Variants in NKAIN2 observed in about 807,000 individuals in gnomAD.
The protein encoded by NKAIN2 is sodium/potassium-transporting ATPase subunit beta-1-interacting protein 2.
A neutral mutation model predicts 32.6 loss-of-function variants in NKAIN2; 14 were observed. That is an observed-to-expected ratio of 0.43 (90% CI 0.28 to 0.67). The LOEUF is 0.67. NKAIN2 is among the 30% of genes least tolerant of loss of function. The pLI is 0.17. For missense variants in NKAIN2, 198 were observed against 258.3 expected (o/e 0.77, Z 1.60); for synonymous variants, 80 against 87.2 (o/e 0.92, Z 0.46).
intron 3 of NKAIN2, among the ~76,000 whole-genome samples, chr6:124,554,905 T>G (rs1029374607): frequency 6.6e-6 from 1 of 152,168 alleles, no homozygotes; most frequent in Non-Finnish European, 1.5e-5. Flanking sequence ...GGCCTTTCTG[T>G]GCAACCTGCT....
At chr6:124,330,940 A>G (rs1456323296) in intron 2 of NKAIN2, among the ~76,000 whole-genome samples, 5 of 152,116 alleles carry the variant, frequency 3.3e-5, no homozygotes, top group Non-Finnish European at 7.3e-5. Context: ...ATGGCTGATG[A>G]TCTGAGGCGG....
intron 1 of NKAIN2, among the ~76,000 whole-genome samples, chr6:123,884,301 T>G (rs1773610971): frequency 6.6e-6 from 1 of 152,180 alleles, no homozygotes; most frequent in Non-Finnish European, 1.5e-5. Context: ...TTTGTAGCTG[T>G]ATAGTATTCC....
intron 3 of NKAIN2, among the ~76,000 whole-genome samples, chr6:124,625,260 A>G (rs1783271756): frequency 6.6e-6 from 1 of 152,198 alleles, no homozygotes; most frequent in South Asian, 2.1e-4. Flanking sequence ...TTCTCTACAA[A>G]AAAAACAAAA....
chr6:124,461,904 A>T (rs1229776980), intron 3 of NKAIN2, among the ~76,000 whole-genome samples: 7 of 151,074 alleles, frequency 4.6e-5, no homozygotes, highest in Non-Finnish European at 8.9e-5. Context: ...TGCTGGTTTG[A>T]TTGAGGTTAA....
At chr6:123,856,151 A>C (rs982595489) in intron 1 of NKAIN2, among the ~76,000 whole-genome samples, 1 of 152,166 alleles carries the variant, frequency 6.6e-6, no homozygotes, top group Non-Finnish European at 1.5e-5. Flanking sequence ...TAGACCTTGC[A>C]ATAAAACCCC....
intron 1 of NKAIN2, among the ~76,000 whole-genome samples, chr6:123,887,267 T>C (rs969463087): frequency 1.3e-5 from 2 of 151,770 alleles, no homozygotes; most frequent in Non-Finnish European, 2.9e-5. Flanking sequence ...CTAGTGGAAA[T>C]AGATTATCCA....
At chr6:124,715,966 G>T (rs75410220) in intron 4 of NKAIN2, among the ~76,000 whole-genome samples, 1 of 152,112 alleles carries the variant, frequency 6.6e-6, no homozygotes, top group Admixed American at 6.5e-5. Flanking sequence ...GTAAAGCCCC[G>T]TGTTTGGGCT....
intron 3 of NKAIN2, among the ~76,000 whole-genome samples, chr6:124,611,368 T>A (rs1332376405): frequency 6.6e-6 from 1 of 152,176 alleles, no homozygotes; most frequent in East Asian, 1.9e-4. Context: ...GTTTGTTTGT[T>A]TGTTTATATT....
intron 1 of NKAIN2, among the ~76,000 whole-genome samples, chr6:124,244,167 G>A (rs1793265307): frequency 1.3e-5 from 2 of 150,590 alleles, no homozygotes; most frequent in African/African-American, 4.9e-5. Context: ...GTATACATGT[G>A]CCATGCTGGT....
chr6:124,284,913 A>C (rs889947953), intron 2 of NKAIN2, among the ~76,000 whole-genome samples: 2 of 152,198 alleles, frequency 1.3e-5, no homozygotes, highest in African/African-American at 4.8e-5. Context: ...AATGCAAAAA[A>C]AAAAAATTTG....
At chr6:124,437,182 T>G (rs1237491536) in intron 3 of NKAIN2, among the ~76,000 whole-genome samples, 1 of 152,192 alleles carries the variant, frequency 6.6e-6, no homozygotes, top group African/African-American at 2.4e-5. Flanking sequence ...CTTAACAACT[T>G]AAATCATACT....
At chr6:124,620,985 C>G (rs950338770) in intron 3 of NKAIN2, among the ~76,000 whole-genome samples, 1 of 152,168 alleles carries the variant, frequency 6.6e-6, no homozygotes, top group South Asian at 2.1e-4. Flanking sequence ...TTTTTTCTCT[C>G]TCACTCACTA....
chr6:124,504,085 A>T (rs1778388484), intron 3 of NKAIN2, among the ~76,000 whole-genome samples: 1 of 152,068 alleles, frequency 6.6e-6, no homozygotes, highest in Non-Finnish European at 1.5e-5. Context: ...TTTACATTCC[A>T]CTTAGGTGTA....
chr6:123,874,442 G>A (rs1340122230), intron 1 of NKAIN2, among the ~76,000 whole-genome samples: 1 of 152,068 alleles, frequency 6.6e-6, no homozygotes, highest in Non-Finnish European at 1.5e-5. Flanking sequence ...AGCCCTGACT[G>A]GGAAAAGGCA....
Position 124,139,363 on chromosome 6 carries a change from C to T in NKAIN2, c.55-143642C>T, listed in dbSNP as rs1210118805. ...TCGGCCTCCCAAAGTGCTGGGATTA[C>T]AGGCGTGAGCCACCGCGCCCGGCCT... On this transcript the variant is annotated intron_variant, in intron 1 of 6. Transcript: ENST00000368417. Among the ~76,000 whole-genome samples, 9 of 151,802 alleles carry T rather than the reference C, an allele frequency of 5.9e-5. No homozygotes were observed. In the East Asian group the frequency reaches 1.6e-3, roughly 27 times the overall value.
intron 1 of NKAIN2, among the ~76,000 whole-genome samples, chr6:123,991,667 C>T (rs1049591069): frequency 3.6e-4 from 54 of 152,018 alleles, no homozygotes; most frequent in Non-Finnish European, 1.2e-4. Flanking sequence ...TGGAGACCAT[C>T]CTGGCTAACA....
intron 3 of NKAIN2, among the ~76,000 whole-genome samples, chr6:124,526,810 A>G (rs1210455395): frequency 6.6e-6 from 1 of 152,116 alleles, no homozygotes; most frequent in Non-Finnish European, 1.5e-5. Context: ...TTTTTACATC[A>G]CTATCAGGGC....
chr6:123,869,990 T>A (rs1236619867), intron 1 of NKAIN2, among the ~76,000 whole-genome samples: 2 of 152,212 alleles, frequency 1.3e-5, no homozygotes, highest in Non-Finnish European at 2.9e-5. Context: ...TGATAATCTC[T>A]GCAGCATTAT....
chr6:124,604,512 C>T (rs1782425847), intron 3 of NKAIN2, among the ~76,000 whole-genome samples: 1 of 151,778 alleles, frequency 6.6e-6, no homozygotes, highest in Non-Finnish European at 1.5e-5. Flanking sequence ...CTTTTTGTGT[C>T]TTCTTCCTCA....
Sources: allele counts gnomAD v4.1 joint callset (sites outside exome capture counted in the v4.1 genomes callset), GRCh38; gene constraint gnomAD v4.1.1; transcripts MANE v1.5; gene names NCBI Gene and HGNC (gene_info 2026-07-23, HGNC 2026-07-21).